CD226: variants seen among roughly 807,000 people sequenced by gnomAD.
The protein encoded by CD226 is CD226 molecule, also known as CD226 antigen.
CD226 carries 24 observed loss-of-function variants against 34.9 expected under a neutral mutation model. The ratio of observed to expected loss-of-function variants is 0.69; its 90% confidence interval spans 0.50 to 0.97. The LOEUF (loss-of-function observed/expected upper bound fraction) is 0.97. Among genes scored for constraint, CD226 ranks in the 50% least tolerant of loss-of-function variants. CD226 has a pLI of 0.00. For missense variants in CD226, 397 were observed against 412.7 expected (o/e 0.96, Z 0.33); for synonymous variants, 148 against 147.4 (o/e 1.00, Z -0.03).
At chr18:69,942,646 C>A (rs921827310) in intron 2 of CD226, among the ~76,000 whole-genome samples, 2 of 152,192 alleles carry the variant, frequency 1.3e-5, no homozygotes, top group African/African-American at 4.8e-5. Context: ...ATAAGCTGAG[C>A]CCCTTTGCTG....
upstream of CD226, among the ~76,000 whole-genome samples, chr18:69,949,739 AACATGCACCCACATAC>A (rs1281066714): frequency 6.6e-6 from 1 of 151,646 alleles, no homozygotes; most frequent in Admixed American, 6.6e-5. Context: ...TCACACACAC[AACATGCACCCACATAC>A]ACATGCACCC....
chr18:69,890,592 GA>G (rs1176447798), intron 3 of CD226, among the ~76,000 whole-genome samples: 2 of 152,100 alleles, frequency 1.3e-5, no homozygotes, highest in Non-Finnish European at 2.9e-5. Flanking sequence ...GTCTGATGTG[GA>G]AAAAAACATA....
At chr18:69,916,403 T>C (rs1275910696) in intron 2 of CD226, among the ~76,000 whole-genome samples, 1 of 152,152 alleles carries the variant, frequency 6.6e-6, no homozygotes, top group Non-Finnish European at 1.5e-5. Context: ...AAAATATAGT[T>C]CGGATGCTGA....
intron 2 of CD226, among the ~76,000 whole-genome samples, chr18:69,934,032 G>A (rs947940164): frequency 1.3e-5 from 2 of 152,128 alleles, no homozygotes; most frequent in African/African-American, 4.8e-5. Flanking sequence ...GAAATCTGAT[G>A]TCAGGAGTTA....
chr18:69,944,518 GT>G (rs2055765801), intron 2 of CD226: 1 of 152,188 alleles, frequency 6.6e-6, no homozygotes, highest in Admixed American at 6.5e-5. Context: ...TTCTCTACAG[GT>G]TAGCTCCATC....
In CD226 at chr18:69,947,067, G is replaced by C. The variant is rs1044549055; in HGVS notation, c.49C>G (p.Leu17Val). The C allele has an allele frequency of 4.3e-6, 7 of 1,610,246 alleles. No homozygotes were observed. The Admixed American group carries it at 1.0e-4, about 23-fold the overall frequency. Reference sequence around the variant, plus strand: ...GTATGCCAAAGCACCTCTTCACATAGAGCTGAAATATACAACATCACATTA... The same window carrying C: ...GTATGCCAAAGCACCTCTTCACATACAGCTGAAATATACAACATCACATTA... ...LLALLHVYRA[L>V]CEEVLWHTSV... Residue 17 changes from leucine (L) to valine (V), a missense_variant and splice_region_variant, in exon 2 of 6, where the codon CTA becomes GTA. By Grantham distance (32) the Leu-to-Val change is conservative (BLOSUM62 1). Coordinates refer to ENST00000582621, the MANE Select transcript of CD226 (RefSeq NM_001303618.2).
chr18:69,921,736 C>T (rs759027126), intron 2 of CD226, among the ~76,000 whole-genome samples: 5 of 152,220 alleles, frequency 3.3e-5, no homozygotes, highest in Admixed American at 6.5e-5. Context: ...TGCAAATCTA[C>T]ACACTCCAAG....
intron 3 of CD226, among the ~76,000 whole-genome samples, chr18:69,890,866 G>C (rs1210357023): frequency 3.9e-5 from 6 of 151,936 alleles, no homozygotes; most frequent in Non-Finnish European, 8.8e-5. Flanking sequence ...AAACATTCTA[G>C]GAATTAATGC....
upstream of CD226, among the ~76,000 whole-genome samples, chr18:69,949,931 C>T (rs1329633057): frequency 6.6e-6 from 1 of 152,116 alleles, no homozygotes; most frequent in Non-Finnish European, 1.5e-5. Context: ...CTCAAACACA[C>T]ATCCACACAC....
At chr18:69,952,233 T>A (rs541021690), upstream of CD226, among the ~76,000 whole-genome samples, 1 of 152,248 alleles carries the variant, frequency 6.6e-6, no homozygotes, top group Admixed American at 6.5e-5. Context: ...TGTGTACCCA[T>A]GGACATACAG....
chr18:69,862,231 C>T lies in CD226; in HGVS notation c.*2083G>A, dbSNP rs952777498. On this transcript the variant is annotated 3_prime_UTR_variant, in exon 6 of 6. Transcript: ENST00000582621. ...AAAATTGGATTTATATTTCCCCATA[C>T]TACAACTGTAAAAATGTTTTCCTGC... 3 of 152,130 alleles carry T rather than the reference C, an allele frequency of 2.0e-5. No homozygotes were observed. Among genetic ancestry groups the T allele is most frequent in the African/African-American group, 7.2e-5 (3 of 41,444 alleles). 9.4% of individuals were successfully genotyped at this position (152,130 alleles called of 1,614,324 possible).
chr18:69,902,556 G>C (rs1262963320), intron 2 of CD226, among the ~76,000 whole-genome samples: 1 of 150,170 alleles, frequency 6.7e-6, no homozygotes, highest in African/African-American at 2.5e-5. Context: ...CTCTTCTTCT[G>C]CTTGTCCCTA....
Position 69,947,829 on chromosome 18 carries a change from A to C in CD226, c.-423T>G, listed in dbSNP as rs181534379. The C allele has an allele frequency of 6.5e-6, 1 of 153,700 alleles. No homozygotes were observed. The highest frequency in any genetic ancestry group is 1.9e-4 in the East Asian group (1 of 5,234). The allele number at this position is 153,700 out of a possible 1,614,324, so 9.5% of individuals were successfully genotyped here. On this transcript the variant is annotated 5_prime_UTR_variant, in exon 1 of 6. In the 5' UTR this introduces an upstream ATG that the reference lacks. Coordinates refer to ENST00000582621, the MANE Select transcript of CD226 (RefSeq NM_001303618.2). The stretch of plus-strand genomic sequence containing the variant: ...AAAATAAAGATGTAAAAATATAAAT[A>C]ATAAGTGAAAGGTGGTGCATGCATG...
intron 1 of CD226, among the ~76,000 whole-genome samples, chr18:69,954,921 G>C (rs1479893442): frequency 6.6e-6 from 1 of 152,026 alleles, no homozygotes; most frequent in Non-Finnish European, 1.5e-5. Context: ...GCCATTTTTT[G>C]CATGATTTAT....
chr18:69,926,139 T>A lies in CD226; in HGVS notation c.382+20595A>T, dbSNP rs1291654853. Among the ~76,000 whole-genome samples the A allele has an allele frequency of 2.6e-5, 4 of 152,016 alleles. No individual in the cohort carries two copies. The South Asian group carries it at 6.2e-4, about 24-fold the overall frequency. ...GACTGGGCGACAGAGTGAGACTCCATCTCAAAACAACAATAACAACAAAGA... is the reference window on the plus strand; with the variant it reads ...GACTGGGCGACAGAGTGAGACTCCAACTCAAAACAACAATAACAACAAAGA... On this transcript the variant is annotated intron_variant, in intron 2 of 5. Transcript: ENST00000582621.
chr18:69,864,139 C>T lies in CD226; in HGVS notation c.*175G>A. 1 of 591,992 alleles carries T rather than the reference C, an allele frequency of 1.7e-6. No homozygotes were observed. Among genetic ancestry groups the T allele is most frequent in the East Asian group, 2.9e-5 (1 of 34,524 alleles). 36.7% of individuals were successfully genotyped at this position (591,992 alleles called of 1,614,324 possible). On this transcript the variant is annotated 3_prime_UTR_variant, in exon 6 of 6. Transcript: ENST00000582621. ...TATAAACCAGTTAGAGTCAGGTTTT[C>T]TGAAACAGTTCTATGAAAAATGATT...
At chr18:69,888,062 T>C (rs1199170799) in intron 3 of CD226, among the ~76,000 whole-genome samples, 3 of 152,208 alleles carry the variant, frequency 2.0e-5, no homozygotes, top group Admixed American at 1.3e-4. Context: ...TCAGGATCCA[T>C]GTCAATAATG....
chr18:69,884,888 ATTTC>A (rs962908490), intron 3 of CD226, among the ~76,000 whole-genome samples: 5 of 152,144 alleles, frequency 3.3e-5, no homozygotes, highest in Non-Finnish European at 7.3e-5. Context: ...AGAGAGTGAG[ATTTC>A]TTTGTCTTTG....
chr18:69,950,091 C>T (rs2055837400), upstream of CD226, among the ~76,000 whole-genome samples: 1 of 152,086 alleles, frequency 6.6e-6, no homozygotes, highest in African/African-American at 2.4e-5. Flanking sequence ...CACGCATGCA[C>T]TTATACATGT....
Sources: allele counts gnomAD v4.1 joint callset (sites outside exome capture counted in the v4.1 genomes callset), GRCh38; gene constraint gnomAD v4.1.1; transcripts MANE v1.5; gene names NCBI Gene and HGNC (gene_info 2026-07-23, HGNC 2026-07-21).